FAHD2A: variants seen among roughly 807,000 people sequenced by gnomAD.
The protein encoded by FAHD2A is fumarylacetoacetate hydrolase domain containing 2A, also known as oxaloacetate tautomerase FAHD2A, mitochondrial.
FAHD2A carries 27 observed loss-of-function variants against 33.4 expected under a neutral mutation model. That is an observed-to-expected ratio of 0.81 (90% CI 0.60 to 1.11). The LOEUF (loss-of-function observed/expected upper bound fraction) is 1.11, where lower values mean the gene tolerates loss of function less well. Among genes scored for constraint, FAHD2A ranks in the 50% most tolerant of loss-of-function variants. The pLI is 0.00. For missense variants in FAHD2A, 296 were observed against 395.0 expected (o/e 0.75, Z 2.12); for synonymous variants, 130 against 153.3 (o/e 0.85, Z 1.12).
At chr2:95,418,250 TTG>T (rs143871334), downstream of FAHD2A, among the ~76,000 whole-genome samples, 111 of 147,414 alleles carry the variant, frequency 7.5e-4, no homozygotes, top group East Asian at 0.01. Flanking sequence ...TTGGGGGTGG[TTG>T]TGTGTGTGTG....
At chr2:95,403,031 A>C (rs1280612192) in intron 1 of FAHD2A, 159 bp downstream of exon 1, 1 of 152,426 alleles carries the variant, frequency 6.6e-6, no homozygotes, top group African/African-American at 2.4e-5. Context: ...AGCTGGGCAT[A>C]TGGGGAAACT....
chr2:95,413,933 G>C lies in FAHD2A; in HGVS notation c.*976G>C, dbSNP rs1270153040. ...CTATTGGGGTGGGAGCAGGGGGACAGAAGATGGTGACACTGGCTCCTCTCA... is the reference window on the plus strand; with the variant it reads ...CTATTGGGGTGGGAGCAGGGGGACACAAGATGGTGACACTGGCTCCTCTCA... On this transcript the variant is annotated 3_prime_UTR_variant, in exon 8 of 8. Coordinates refer to ENST00000233379, the MANE Select transcript of FAHD2A (RefSeq NM_016044.3). 1.7e-6 allele frequency: 2 copies of C among 1,203,976 alleles called. No individual in the cohort carries two copies. The highest frequency in any genetic ancestry group is 2.5e-6 in the Non-Finnish European group (2 of 807,582). The allele number at this position is 1,203,976 out of a possible 1,614,324, so 74.6% of individuals were successfully genotyped here. A position where few individuals can be genotyped will look rare whatever the true frequency, so the allele number is the denominator to read the frequency against.
chr2:95,414,281 G>A lies in FAHD2A; in HGVS notation c.*1324G>A, dbSNP rs540893083. ...CCTTCTTCCTGGGCGGTGGCCTGCA[G>A]GAACTGGAACAGCTGTTGGAGAGGA... On this transcript the variant is annotated 3_prime_UTR_variant, in exon 8 of 8. Transcript: ENST00000233379. 1 of 1,384,520 alleles carries A rather than the reference G, an allele frequency of 7.2e-7. No homozygotes were observed. Among genetic ancestry groups the A allele is most frequent in the East Asian group, 2.3e-5 (1 of 43,676 alleles). The allele number at this position is 1,384,520 out of a possible 1,614,324, so 85.8% of individuals were successfully genotyped here.
chr2:95,419,046 C>A (rs1683278512), downstream of FAHD2A, among the ~76,000 whole-genome samples: 1 of 152,006 alleles, frequency 6.6e-6, no homozygotes, highest in African/African-American at 2.4e-5. Context: ...AGTCAAGGAA[C>A]TCCTGGGTTA....
chr2:95,418,690 T>C (rs1256525125), downstream of FAHD2A, among the ~76,000 whole-genome samples: 4 of 151,970 alleles, frequency 2.6e-5, no homozygotes, highest in Admixed American at 2.6e-4. Context: ...GCCATCGAGC[T>C]TGGCATTGAT....
chr2:95,403,566 C>G (rs995780737), intron 1 of FAHD2A, among the ~76,000 whole-genome samples: 1 of 152,126 alleles, frequency 6.6e-6, no homozygotes, highest in Non-Finnish European at 1.5e-5. Flanking sequence ...ATGGAAGGTC[C>G]CCACTTCTCA....
intron 3 of FAHD2A, among the ~76,000 whole-genome samples, chr2:95,409,714 G>T (rs1338774512): frequency 6.6e-6 from 1 of 152,166 alleles, no homozygotes; most frequent in Non-Finnish European, 1.5e-5. Context: ...ATATCACTGT[G>T]AATTCTGTTT....
Position 95,412,694 on chromosome 2 carries a change from C to T in FAHD2A, c.812C>T (p.Pro271Leu), listed in dbSNP as rs1487454838. Residue 271 changes from proline (P) to leucine (L), a missense_variant, in exon 7 of 8, where the codon CCA (proline) becomes CTA (leucine). Coordinates refer to ENST00000233379, the MANE Select transcript of FAHD2A (RefSeq NM_016044.3). ...AWVSQFVTFYPGDVILTGTPP... is the reference protein window; with the variant it reads ...AWVSQFVTFYLGDVILTGTPP... ...TGATCCAGGTTTGTTACCTTTTACC[C>T]AGGGGATGTCATCCTAACTGGGACC... is the stretch of plus-strand genomic sequence containing the variant. 1.9e-6 allele frequency: 3 copies of T among 1,614,126 alleles called. No homozygotes were observed. Among genetic ancestry groups the T allele is most frequent in the Non-Finnish European group, 2.5e-6 (3 of 1,179,998 alleles).
At position 95,407,067 on chromosome 2, in the gene FAHD2A, G is replaced by A. The variant is rs748232232; in HGVS notation, c.372G>A (p.Val124=). Residue 124 remains valine (V), a synonymous_variant, in exon 3 of 8, where the codon GTG becomes GTA. Transcript: ENST00000233379. ...NYVDHCKEQN[V]PVPKEPIIFS... ...TGGACCACTGCAAAGAACAGAACGT[G>A]CCCGTGCCCAAGGAGCCCATCATCT... 5.6e-6 allele frequency: 9 copies of A among 1,613,000 alleles called. No individual in the cohort carries two copies. In the South Asian group the frequency reaches 9.9e-5, roughly 18 times the overall value.
Position 95,415,711 on chromosome 2 carries a change from A to G in FAHD2A, c.*2754A>G, listed in dbSNP as rs191506942. The G allele has an allele frequency of 7.0e-4, 107 of 152,698 alleles. No homozygotes were observed. Among genetic ancestry groups the G allele is most frequent in the African/African-American group, 2.4e-3 (99 of 41,532 alleles). The allele number at this position is 152,698 out of a possible 1,614,324, so 9.5% of individuals were successfully genotyped here. A position where few individuals can be genotyped will look rare whatever the true frequency, so the allele number is the denominator to read the frequency against. ...TCTGGTTGTGGAAGGGCTGGCACCA[A>G]GGAGCTGCGAGCTTACCTCAACTCA... On this transcript the variant is annotated 3_prime_UTR_variant, in exon 8 of 8. Transcript: ENST00000233379.
At chr2:95,406,170 TC>T (rs1311002876) in intron 2 of FAHD2A, among the ~76,000 whole-genome samples, 2 of 122,204 alleles carry the variant, frequency 1.6e-5, no homozygotes, top group African/African-American at 3.1e-5. Flanking sequence ...TGATATAGAC[TC>T]CCAGCTCCTA....
At chr2:95,418,416 G>T (rs1408078599), downstream of FAHD2A, among the ~76,000 whole-genome samples, 1 of 152,020 alleles carries the variant, frequency 6.6e-6, no homozygotes, top group Non-Finnish European at 1.5e-5. Flanking sequence ...GATGCATGAA[G>T]GTTGGGAGGA....
In FAHD2A at chr2:95,407,690, A is replaced by G. The variant is rs1276857531; in HGVS notation, c.462+533A>G. Among the ~76,000 whole-genome samples the G allele has an allele frequency of 3.3e-5, 5 of 152,380 alleles. No individual in the cohort carries two copies. In the South Asian group the frequency reaches 6.2e-4, roughly 19 times the overall value. On this transcript the variant is annotated intron_variant, in intron 3 of 7. Transcript: ENST00000233379. ...CATCCTTATGTGGAAAAGGCTTTGC[A>G]TGTCCATTAATACATTATTATTTCC...
At chr2:95,410,434 A>C in intron 3 of FAHD2A, 93 bp from the exon 4 acceptor site, 1 of 1,500,738 alleles carries the variant, frequency 6.7e-7, no homozygotes, top group Non-Finnish European at 9.0e-7. Context: ...ATACTGACAA[A>C]GGTTGAGGCC....
chr2:95,404,383 C>T (rs1195553392), intron 1 of FAHD2A, among the ~76,000 whole-genome samples: 43 of 152,060 alleles, frequency 2.8e-4, no homozygotes, highest in Admixed American at 2.4e-3. Context: ...AACCTCCTTC[C>T]CCTGGGTTCA....
intron 1 of FAHD2A, among the ~76,000 whole-genome samples, chr2:95,404,193 G>C (rs1681156546): frequency 6.6e-6 from 1 of 152,156 alleles, no homozygotes; most frequent in African/African-American, 2.4e-5. Flanking sequence ...GGCACCATGT[G>C]GTAAGGAATA....
intron 2 of FAHD2A, among the ~76,000 whole-genome samples, chr2:95,406,562 T>C (rs1404698217): frequency 6.6e-6 from 1 of 152,162 alleles, no homozygotes; most frequent in Non-Finnish European, 1.5e-5. Flanking sequence ...CAGTTGTTTT[T>C]TTAAAAGATG....
intron 3 of FAHD2A, among the ~76,000 whole-genome samples, chr2:95,407,789 A>C (rs1681840931): frequency 6.6e-6 from 1 of 152,236 alleles, no homozygotes; most frequent in Admixed American, 6.5e-5. Context: ...AAATTCTGCC[A>C]ATTGGCCTTT....
intron 3 of FAHD2A, among the ~76,000 whole-genome samples, chr2:95,409,909 C>A (rs1158237669): frequency 6.6e-6 from 1 of 152,162 alleles, no homozygotes; most frequent in Non-Finnish European, 1.5e-5. Context: ...CCCAAGGAAC[C>A]CAGTGCTCCT....
Sources: allele counts gnomAD v4.1 joint callset (sites outside exome capture counted in the v4.1 genomes callset), GRCh38; gene constraint gnomAD v4.1.1; transcripts MANE v1.5; gene names NCBI Gene and HGNC (gene_info 2026-07-23, HGNC 2026-07-21).